Variants in ANKK1 observed in about 807,000 individuals in gnomAD.
ANKK1 encodes the protein ankyrin repeat and kinase domain containing 1.
A neutral mutation model predicts 37.6 loss-of-function variants in ANKK1; 37 were observed. That is an observed-to-expected ratio of 0.98 (90% confidence interval 0.76 to 1.29). ANKK1 has a LOEUF of 1.29. Among genes scored for constraint, ANKK1 ranks in the 50% most tolerant of loss-of-function variants. ANKK1 has a pLI of 0.00. For synonymous variants in ANKK1, 415 were observed against 418.7 expected (o/e 0.99, Z 0.11); for missense variants, 1,019 against 990.6 (o/e 1.03, Z -0.39).
chr11:113,391,282 T>C (rs929892937), intron 1 of ANKK1, among the ~76,000 whole-genome samples: 4 of 152,204 alleles, frequency 2.6e-5, no homozygotes, highest in African/African-American at 4.8e-5. Flanking sequence ...AAGCTATGCC[T>C]GGCATTGGGG....
At chr11:113,394,728 G>A in intron 2 of ANKK1, 1 of 731,252 alleles carries the variant, frequency 1.4e-6, no homozygotes, top group Non-Finnish European at 2.4e-6. Context: ...TACTTTACAG[G>A]TGAAGAAACT....
chr11:113,396,339 G>T, intron 5 of ANKK1, 117 bp downstream of exon 5: 1 of 1,247,514 alleles, frequency 8.0e-7, no homozygotes, highest in Non-Finnish European at 1.1e-6. Flanking sequence ...CGGCCTAGAA[G>T]GACTTTTTTT....
intron 1 of ANKK1, among the ~76,000 whole-genome samples, chr11:113,388,751 G>A (rs1365556591): frequency 2.0e-5 from 3 of 152,104 alleles, no homozygotes; most frequent in Non-Finnish European, 4.4e-5. Context: ...TCTTTCCTAC[G>A]TTTCCATTAT....
At chr11:113,395,811 T>C (rs1163782384) in intron 4 of ANKK1, among the ~76,000 whole-genome samples, 1 of 152,172 alleles carries the variant, frequency 6.6e-6, no homozygotes, top group Non-Finnish European at 1.5e-5. Context: ...CCTGCTGCCT[T>C]TGGACAGCAC....
Position 113,397,325 on chromosome 11 carries a change from C to A in ANKK1, c.940C>A (p.Leu314Met), listed in dbSNP as rs1053268421. 5.0e-6 allele frequency: 8 copies of A among 1,612,546 alleles called. No homozygotes were observed. In the African/African-American group the frequency reaches 8.0e-5, roughly 16 times the overall value. Residue 314 changes from leucine (L) to methionine (M), a missense_variant, in exon 6 of 8, where the codon CTG becomes ATG. Leu to Met is a conservative substitution (Grantham distance 15). Coordinates refer to ENST00000303941, the MANE Select transcript of ANKK1 (RefSeq NM_178510.2). ...CAGGAAGGTGTCCTGCAAGCTGTCG[C>A]TGCGCCAGCCCGGGGAGGTGAGTGT... ...LARKVSCKLS[L>M]RQPGEVNEDI...
intron 7 of ANKK1, 70 bp from the exon 8 acceptor site, chr11:113,398,893 AG>A: frequency 7.3e-7 from 1 of 1,375,242 alleles, no homozygotes; most frequent in Non-Finnish European, 9.9e-7. Context: ...TCCAGGAGGC[AG>A]GGGGATGGCC....
Position 113,393,708 on chromosome 11 carries a change from A to G in ANKK1, c.413A>G (p.Lys138Arg). Residue 138 changes from lysine (K) to arginine (R), a missense_variant, in exon 2 of 8, where the codon AAG becomes AGG. Transcript: ENST00000303941. ...GCCATGAACTTCCTGCACAGCATTAAGCCGCCTCTGCTCCACCTGGACCTC... is the reference window on the plus strand; with the variant it reads ...GCCATGAACTTCCTGCACAGCATTAGGCCGCCTCTGCTCCACCTGGACCTC... ...SLAMNFLHSI[K>R]PPLLHLDLKP... is the part of the protein sequence containing the mutation. 3 of 1,613,712 alleles carry G rather than the reference A, an allele frequency of 1.9e-6. No individual in the cohort carries two copies. Among genetic ancestry groups the G allele is most frequent in the Non-Finnish European group, 2.5e-6 (3 of 1,179,886 alleles).
intron 6 of ANKK1, among the ~76,000 whole-genome samples, chr11:113,397,663 T>C (rs879697507): frequency 1.3e-5 from 2 of 152,164 alleles, no homozygotes; most frequent in Non-Finnish European, 2.9e-5. Flanking sequence ...CTTCTGTCCC[T>C]ATTCTTAACA....
chr11:113,393,629 A>G lies in ANKK1; in HGVS notation c.334A>G (p.Thr112Ala), dbSNP rs1591260063. The G allele has an allele frequency of 6.2e-7, 1 of 1,613,930 alleles. No homozygotes were observed. Among genetic ancestry groups the G allele is most frequent in the Non-Finnish European group, 8.5e-7 (1 of 1,179,852 alleles). Reference protein sequence around the residue: ...ANGSLEKVLSTHSLCWKLRFR... With the variant: ...ANGSLEKVLSAHSLCWKLRFR... ...CGGCTCCCTGGAGAAGGTGCTGTCC[A>G]CCCACAGCCTCTGCTGGAAGCTCAG... Residue 112 changes from threonine (T) to alanine (A), a missense_variant, in exon 2 of 8, where the codon ACC becomes GCC. By Grantham distance (58) the Thr-to-Ala change is moderately conservative. Transcript: ENST00000303941.
rs774293394 is a variant in ANKK1 at position 113,396,096 on chromosome 11, G to A, written c.712G>A (p.Val238Met). The A allele has an allele frequency of 3.1e-6, 5 of 1,614,018 alleles. No homozygotes were observed. The highest frequency in any genetic ancestry group is 4.2e-6 in the Non-Finnish European group (5 of 1,179,910). Residue 238 changes from valine (V) to methionine (M), a missense_variant, in exon 5 of 8, where the codon GTG becomes ATG. By Grantham distance (21) the Val-to-Met change is conservative. Transcript: ENST00000303941. Reference sequence around the variant, plus strand: ...CAACATGATGATGATTATTATCCGAGTGGCGGCAGGCATGCGGCCCTCCCT... The same window carrying A: ...CAACATGATGATGATTATTATCCGAATGGCGGCAGGCATGCGGCCCTCCCT... ...GFNMMMIIIRVAAGMRPSLQP... is the reference protein window; with the variant it reads ...GFNMMMIIIRMAAGMRPSLQP...
intron 1 of ANKK1, 75 bp downstream of exon 1, chr11:113,388,144 C>A: frequency 1.4e-6 from 2 of 1,420,544 alleles, no homozygotes; most frequent in Non-Finnish European, 1.8e-6. Context: ...AGGGAGCTTG[C>A]GAGGAAGGAG....
chr11:113,389,972 C>G (rs984441854), intron 1 of ANKK1, among the ~76,000 whole-genome samples: 3 of 151,948 alleles, frequency 2.0e-5, no homozygotes, highest in Non-Finnish European at 4.4e-5. Context: ...TGATGAGAGA[C>G]GGATAATAGG....
rs766803430 is a variant in ANKK1, at chr11:113,393,650, C to T, written c.355C>T (p.Leu119Phe). The change falls in exon 2 of 8, where the codon CTC (leucine) becomes TTC (phenylalanine). Residue 119 changes from leucine to phenylalanine, a missense_variant. Leu to Phe is a conservative substitution (Grantham distance 22). Coordinates refer to ENST00000303941, the MANE Select transcript of ANKK1 (RefSeq NM_178510.2). ...GTCCACCCACAGCCTCTGCTGGAAG[C>T]TCAGGTTCCGCATCATCCATGAGAC... ...VLSTHSLCWK[L>F]RFRIIHETSL... The T allele has an allele frequency of 1.9e-6, 3 of 1,613,962 alleles. No individual in the cohort carries two copies. The highest frequency in any genetic ancestry group is 2.5e-6 in the Non-Finnish European group (3 of 1,179,852).
chr11:113,397,417 G>A, intron 6 of ANKK1, 75 bp downstream of exon 6: 2 of 1,273,812 alleles, frequency 1.6e-6, no homozygotes, highest in South Asian at 1.3e-5. Context: ...GTGATCTCTG[G>A]CCAGACACTG....
chr11:113,393,883 C>T (rs986779966), intron 2 of ANKK1, 108 bp downstream of exon 2: 7 of 1,290,018 alleles, frequency 5.4e-6, no homozygotes, highest in Admixed American at 5.5e-5. Context: ...AAGCAGTTCC[C>T]TTCATGGACA....
chr11:113,396,175 T>A lies in ANKK1; in HGVS notation c.791T>A (p.Met264Lys), dbSNP rs748741541. The A allele has an allele frequency of 2.5e-6, 4 of 1,613,948 alleles. No individual in the cohort carries two copies. Among genetic ancestry groups the A allele is most frequent in the Non-Finnish European group, 3.4e-6 (4 of 1,179,882 alleles). The part of the protein sequence containing the change: ...PSEAQQMVDL[M>K]KRCWDQDPKK... ...GAGGCCCAGCAGATGGTGGACCTGATGAAACGCTGCTGGGACCAGGACCCC... is the reference window on the plus strand; with the variant it reads ...GAGGCCCAGCAGATGGTGGACCTGAAGAAACGCTGCTGGGACCAGGACCCC... The change falls in exon 5 of 8, where the codon ATG becomes AAG. Residue 264 changes from methionine (M) to lysine (K), a missense_variant. By Grantham distance (95) the Met-to-Lys change is moderately conservative. Coordinates refer to ENST00000303941, the MANE Select transcript of ANKK1 (RefSeq NM_178510.2).
At chr11:113,397,093 C>A in intron 5 of ANKK1, 131 bp from the exon 6 acceptor site, 1 of 729,748 alleles carries the variant, frequency 1.4e-6, no homozygotes, top group South Asian at 1.9e-5. Context: ...CCTTCTCGTG[C>A]ATTTATATGA....
rs765549397 is a variant in ANKK1, at chr11:113,399,055, G to T, written c.1086G>T (p.Lys362Asn). The T allele has an allele frequency of 3.7e-6, 6 of 1,603,710 alleles. No homozygotes were observed. The South Asian group carries it at 5.6e-5, about 15-fold the overall frequency. The change falls in exon 8 of 8, where the codon AAG (lysine) becomes AAT (asparagine). Residue 362 changes from lysine (K) to asparagine (N), a missense_variant. Transcript: ENST00000303941. ...AGGAACTGTGTATCTATGAGAACAAGGTCACCCCCCTCCACTTCCTGGTGG... is the reference window on the plus strand; with the variant it reads ...AGGAACTGTGTATCTATGAGAACAATGTCACCCCCCTCCACTTCCTGGTGG... ...RDEELCIYEN[K>N]VTPLHFLVAQ...
intron 2 of ANKK1, chr11:113,394,677 T>C (rs1950622190): frequency 3.2e-6 from 2 of 631,978 alleles, no homozygotes; most frequent in Non-Finnish European, 5.9e-6. Context: ...CCTCATTTAG[T>C]GCTCACAATA....
Sources: gnomAD v4.1 joint callset for allele counts (sites outside exome capture counted in the v4.1 genomes callset) on GRCh38, gnomAD v4.1.1 for gene constraint, MANE v1.5 for transcripts, NCBI Gene and HGNC (gene_info 2026-07-23, HGNC 2026-07-21) for gene names.